EPHA6: variants seen among roughly 807,000 people sequenced by gnomAD.
The protein encoded by EPHA6 is ephrin type-A receptor 6.
A neutral mutation model predicts 112.0 loss-of-function variants in EPHA6; 50 were observed. The observed-to-expected ratio is 0.45, with a 90% CI of 0.36 to 0.56. The LOEUF is 0.56. EPHA6 is among the 20% of genes least tolerant of loss of function. The pLI is 0.00. For missense variants in EPHA6, 1,280 were observed against 1,417.4 expected, an observed-to-expected ratio of 0.90 and a Z score of 1.56; for synonymous variants, 529 against 490.7, an observed-to-expected ratio of 1.08 and a Z score of -1.03.
chr3:96,829,947 G>A (rs867879970), intron 1 of EPHA6, among the ~76,000 whole-genome samples: 39 of 70,522 alleles, frequency 5.5e-4, no homozygotes, highest in East Asian at 1.8e-3. Context: ...GTGCGCGCGC[G>A]CGCACACACA....
At chr3:96,918,187 A>G (rs975721020) in intron 2 of EPHA6, among the ~76,000 whole-genome samples, 1 of 152,158 alleles carries the variant, frequency 6.6e-6, no homozygotes, top group Admixed American at 6.5e-5. Context: ...TAAATCATAG[A>G]TAGTAATAAC....
At chr3:97,376,644 T>C (rs1246166201) in intron 5 of EPHA6, among the ~76,000 whole-genome samples, 1 of 152,214 alleles carries the variant, frequency 6.6e-6, no homozygotes, top group Admixed American at 6.5e-5. Flanking sequence ...ACCAGAACAC[T>C]GGACAGTCAC....
intron 5 of EPHA6, among the ~76,000 whole-genome samples, chr3:97,402,945 T>C (rs971944701): frequency 1.3e-5 from 2 of 152,140 alleles, no homozygotes; most frequent in Admixed American, 1.3e-4. Context: ...AATTGAAATA[T>C]GACAGAATCA....
chr3:97,600,487 A>G (rs191948596), intron 12 of EPHA6, among the ~76,000 whole-genome samples: 19 of 152,004 alleles, frequency 1.2e-4, no homozygotes, highest in East Asian at 1.9e-4. Flanking sequence ...GGGTTGTTGA[A>G]TTTTGTCAAA....
intron 5 of EPHA6, among the ~76,000 whole-genome samples, chr3:97,382,626 A>G (rs544001260): frequency 1.7e-4 from 26 of 152,074 alleles, no homozygotes; most frequent in Non-Finnish European, 3.2e-4. Flanking sequence ...AGTGATCTGC[A>G]TTACTCATAT....
At chr3:97,049,961 T>C (rs186176797) in intron 3 of EPHA6, among the ~76,000 whole-genome samples, 3 of 152,308 alleles carry the variant, frequency 2.0e-5, no homozygotes, top group Admixed American at 6.5e-5. Flanking sequence ...ACATCCAAAC[T>C]ATAGCAATGT....
intron 3 of EPHA6, among the ~76,000 whole-genome samples, chr3:97,190,868 A>T (rs111404200): frequency 4.7e-5 from 7 of 150,126 alleles, no homozygotes; most frequent in African/African-American, 9.9e-5. Context: ...AAAGTATAAT[A>T]AAAAAAAAGT....
chr3:96,829,949 G>GCGCGCGCGCGCGCACACA (rs373416797), intron 1 of EPHA6, among the ~76,000 whole-genome samples: 3 of 136,034 alleles, frequency 2.2e-5, no homozygotes, highest in African/African-American at 8.9e-5. Context: ...GCGCGCGCGC[G>GCGCGCGCGCGCGCACACA]CACACACACA....
At chr3:96,851,125 A>G (rs755744202) in intron 1 of EPHA6, among the ~76,000 whole-genome samples, 33 of 152,082 alleles carry the variant, frequency 2.2e-4, no homozygotes, top group Non-Finnish European at 4.4e-5. Context: ...GTGTCTGGGG[A>G]CAATTTAGTG....
Position 96,987,838 on chromosome 3 carries a change from C to A in EPHA6, c.959C>A (p.Ser320Tyr). Residue 320 changes from serine to tyrosine, a missense_variant, in exon 3 of 18, where the codon TCC becomes TAC. Transcript: ENST00000389672. ...MFPDTIPRVD[S>Y]SSLVEVRGSC... is the part of the protein sequence containing the mutation. ...CCTGATACCATTCCAAGGGTTGATT[C>A]CTCCTCTTTGGTTGAAGTACGGGGT... 6.2e-7 allele frequency: 1 copy of A among 1,613,880 alleles called. No homozygotes were observed. Among genetic ancestry groups the A allele is most frequent in the Non-Finnish European group, 8.5e-7 (1 of 1,179,860 alleles).
intron 6 of EPHA6, among the ~76,000 whole-genome samples, chr3:97,419,811 A>G (rs2088465011): frequency 6.6e-6 from 1 of 152,212 alleles, no homozygotes; most frequent in African/African-American, 2.4e-5. Context: ...CTTTAGAAAG[A>G]TTGATCAAAA....
chr3:97,073,953 T>C (rs2046436188), intron 3 of EPHA6, among the ~76,000 whole-genome samples: 1 of 152,062 alleles, frequency 6.6e-6, no homozygotes, highest in Non-Finnish European at 1.5e-5. Flanking sequence ...AACGTGTTTA[T>C]TGGCCATTTA....
At chr3:96,951,286 TAAAG>T (rs886677151) in intron 2 of EPHA6, among the ~76,000 whole-genome samples, 2 of 152,160 alleles carry the variant, frequency 1.3e-5, no homozygotes, top group African/African-American at 4.8e-5. Context: ...ATTAGTGACA[TAAAG>T]AAATCAAAAT....
intron 2 of EPHA6, among the ~76,000 whole-genome samples, chr3:96,896,319 G>C (rs1330258903): frequency 6.6e-6 from 1 of 152,020 alleles, no homozygotes; most frequent in Non-Finnish European, 1.5e-5. Flanking sequence ...GGTTTTATCT[G>C]CTTACTTTCC....
chr3:97,369,919 T>G (rs2084954225), intron 5 of EPHA6, among the ~76,000 whole-genome samples: 2 of 152,206 alleles, frequency 1.3e-5, no homozygotes, highest in Admixed American at 1.3e-4. Context: ...TTTTATTCTT[T>G]CCATAAAGAT....
At chr3:97,375,434 G>A (rs2085295752) in intron 5 of EPHA6, among the ~76,000 whole-genome samples, 1 of 152,146 alleles carries the variant, frequency 6.6e-6, no homozygotes, top group Admixed American at 6.6e-5. Context: ...GATGGGGAAA[G>A]GGACTGAGAT....
intron 5 of EPHA6, among the ~76,000 whole-genome samples, chr3:97,311,991 A>G (rs919247944): frequency 1.3e-5 from 2 of 151,414 alleles, no homozygotes; most frequent in Non-Finnish European, 3.0e-5. Flanking sequence ...TTAGAGTGTA[A>G]TTTTTCTTAG....
At chr3:97,230,233 G>A (rs1037530457) in intron 4 of EPHA6, among the ~76,000 whole-genome samples, 1 of 152,072 alleles carries the variant, frequency 6.6e-6, no homozygotes, top group Admixed American at 6.6e-5. Flanking sequence ...TCCCATCAAT[G>A]TAACCCTTTA....
At chr3:97,438,062 T>C (rs2107263960) in intron 6 of EPHA6, among the ~76,000 whole-genome samples, 1 of 152,278 alleles carries the variant, frequency 6.6e-6, no homozygotes, top group South Asian at 2.1e-4. Context: ...TTTTAACAAA[T>C]ACTATTAAGA....
Sources: gnomAD v4.1 joint callset for allele counts (sites outside exome capture counted in the v4.1 genomes callset) on GRCh38, gnomAD v4.1.1 for gene constraint, MANE v1.5 for transcripts, NCBI Gene and HGNC (gene_info 2026-07-23, HGNC 2026-07-21) for gene names.